Variants in CDKN1A observed in about 807,000 individuals in gnomAD.
CDKN1A encodes cyclin dependent kinase inhibitor 1A.
Under a neutral mutation model 14.8 loss-of-function variants are expected in CDKN1A, and 14 were observed. That is an observed-to-expected ratio of 0.94 (90% CI 0.62 to 1.48). The LOEUF (loss-of-function observed/expected upper bound fraction) is 1.48. Ranked by LOEUF, CDKN1A falls within the 40% of genes most tolerant of loss-of-function variation. The probability of loss-of-function intolerance (pLI) is 0.00; values close to 1 mark genes in which losing one functional copy is unlikely to be tolerated. For missense variants in CDKN1A, 203 were observed against 231.7 expected (o/e 0.88, Z 0.80); for synonymous variants, 92 against 93.5 (o/e 0.98, Z 0.09).
chr6:36,680,237 G>T (rs1025881173), intron 1 of CDKN1A, among the ~76,000 whole-genome samples: 10 of 152,084 alleles, frequency 6.6e-5, no homozygotes, highest in East Asian at 1.9e-4. Flanking sequence ...GACTCATCCC[G>T]TGCTTTGGGC....
intron 1 of CDKN1A, among the ~76,000 whole-genome samples, chr6:36,681,583 A>C (rs1582574365): frequency 1.7e-5 from 2 of 117,612 alleles, no homozygotes; most frequent in Admixed American, 8.5e-5. Context: ...CCCCATGCCC[A>C]GATTTTTTTT....
chr6:36,678,738 A>T lies in CDKN1A; in HGVS notation c.-66A>T. 5 of 985,600 alleles carry T rather than the reference A, an allele frequency of 5.1e-6. No homozygotes were observed. The highest frequency in any genetic ancestry group is 1.7e-5 in the African/African-American group (1 of 57,358). 61.1% of individuals were successfully genotyped at this position (985,600 alleles called of 1,614,324 possible). A position where few individuals can be genotyped will look rare whatever the true frequency, so the allele number is the denominator to read the frequency against. On this transcript the variant is annotated 5_prime_UTR_variant, in exon 1 of 3. Coordinates refer to ENST00000244741, the MANE Select transcript of CDKN1A (RefSeq NM_000389.5). This position sits in a 1 kb window ranked among gnomAD's most constrained non-coding sequence, Gnocchi z 5.7. ...TGAGGTGTGAGCAGCTGCCGAAGTC[A>T]GTTCCTTGTGGAGCCGGAGCTGGGC...
Position 36,686,443 on chromosome 6 carries a change from G to A in CDKN1A, c.*643G>A. 1 of 239,366 alleles carries A rather than the reference G, an allele frequency of 4.2e-6. No homozygotes were observed. The highest frequency in any genetic ancestry group is 1.6e-4 in the South Asian group (1 of 6,066). The allele number at this position is 239,366 out of a possible 1,614,324, so 14.8% of individuals were successfully genotyped here. On this transcript the variant is annotated 3_prime_UTR_variant, in exon 3 of 3. Coordinates refer to ENST00000244741, the MANE Select transcript of CDKN1A (RefSeq NM_000389.5). The surrounding 1 kb of genome is among the most constrained non-coding windows in gnomAD (Gnocchi z 4.9). The stretch of plus-strand genomic sequence containing the variant: ...TCTGTCTTGTGAAGGCAGGGGGAAG[G>A]TGGGGTCCTGGAGCAGACCACCCCG...
rs1039405016 is a variant in CDKN1A at position 36,686,340 on chromosome 6, G to A, written c.*540G>A. 4 of 278,424 alleles carry A rather than the reference G, an allele frequency of 1.4e-5. No individual in the cohort carries two copies. Among genetic ancestry groups the A allele is most frequent in the Non-Finnish European group, 2.7e-5 (4 of 145,604 alleles). 17.2% of individuals were successfully genotyped at this position (278,424 alleles called of 1,614,324 possible). ...GAGTCCCCTCACCTCCTCTAAGGTT[G>A]GGCAGGGTGACCCTGAAGTGAGCAC... On this transcript the variant is annotated 3_prime_UTR_variant, in exon 3 of 3. Coordinates refer to ENST00000244741, the MANE Select transcript of CDKN1A (RefSeq NM_000389.5). This position sits in a 1 kb window ranked among gnomAD's most constrained non-coding sequence, Gnocchi z 4.9.
At chr6:36,677,865 CTCACTCG>C (rs1399581209), upstream of CDKN1A, 7 of 1,366,944 alleles carry the variant, frequency 5.1e-6, no homozygotes. Context: ...AGACAGACAA[CTCACTCG>C]TCAAATCCTC....
At chr6:36,681,585 ATTT>A (rs908259380) in intron 1 of CDKN1A, among the ~76,000 whole-genome samples, 1 of 67,452 alleles carries the variant, frequency 1.5e-5, no homozygotes, top group African/African-American at 6.0e-5. Flanking sequence ...CCATGCCCAG[ATTT>A]TTTTTTTTTT....
chr6:36,678,043 T>C (rs574638245), upstream of CDKN1A: 1 of 451,698 alleles, frequency 2.2e-6, no homozygotes, highest in East Asian at 5.1e-5. The surrounding 1 kb of genome is among the most constrained non-coding windows in gnomAD (Gnocchi z 5.7). Context: ...CCCGGAAGCA[T>C]GTGACAATCA....
At chr6:36,677,464 C>T (rs1761732547), upstream of CDKN1A, 1 of 195,150 alleles carries the variant, frequency 5.1e-6, no homozygotes, top group African/African-American at 2.4e-5. Context: ...CCATCCTCTG[C>T]AATTTTTTAA....
rs1762127049 is a variant in CDKN1A at position 36,684,395 on chromosome 6, A to G, written c.294A>G (p.Ser98=). The part of the protein sequence containing the change: ...ELGGGRRPGT[S]PALLQGTAEE... ...GAGGAGGCAGGCGGCCTGGCACCTC[A>G]CCTGCTCTGCTGCAGGGGACAGCAG... Residue 98 remains serine, a synonymous_variant, in exon 2 of 3, where the codon TCA becomes TCG. Coordinates refer to ENST00000244741, the MANE Select transcript of CDKN1A (RefSeq NM_000389.5). This position sits in a 1 kb window ranked among gnomAD's most constrained non-coding sequence, Gnocchi z 6.0. 6.2e-7 allele frequency: 1 copy of G among 1,613,322 alleles called. No homozygotes were observed. Among genetic ancestry groups the G allele is most frequent in the Non-Finnish European group, 8.5e-7 (1 of 1,179,728 alleles).
rs774756194 is a variant in CDKN1A, at chr6:36,684,081, T to C, written c.-5-16T>C. 1 of 1,612,272 alleles carries C rather than the reference T, an allele frequency of 6.2e-7. No individual in the cohort carries two copies. The highest frequency in any genetic ancestry group is 8.5e-7 in the Non-Finnish European group (1 of 1,179,634). ...TCTCCGCCGTGACCAGGGCCTTCCT[T>C]GTATCTCTGCTGCAGGCGCCATGTC... On this transcript the variant is annotated splice_polypyrimidine_tract_variant and intron_variant, in intron 1 of 2. Coordinates refer to ENST00000244741, the MANE Select transcript of CDKN1A (RefSeq NM_000389.5). The surrounding 1 kb of genome is among the most constrained non-coding windows in gnomAD (Gnocchi z 6.0).
At position 36,685,936 on chromosome 6, in the gene CDKN1A, C is replaced by A. The variant is rs187742871; in HGVS notation, c.*136C>A. ...TTTAAACACCTCCTCATGTACATAC[C>A]CTGGCCGCCCCCTGCCCCCCAGCCT... On this transcript the variant is annotated 3_prime_UTR_variant, in exon 3 of 3. Coordinates refer to ENST00000244741, the MANE Select transcript of CDKN1A (RefSeq NM_000389.5). The A allele has an allele frequency of 7.7e-5, 66 of 856,524 alleles. No homozygotes were observed. Among genetic ancestry groups the A allele is most frequent in the Non-Finnish European group, 1.2e-4 (62 of 515,386 alleles). The allele number at this position is 856,524 out of a possible 1,614,324, so 53.1% of individuals were successfully genotyped here. A position where few individuals can be genotyped will look rare whatever the true frequency, so the allele number is the denominator to read the frequency against.
chr6:36,678,561 A>T, upstream of CDKN1A: 1 of 686,230 alleles, frequency 1.5e-6, no homozygotes, highest in Non-Finnish European at 1.8e-6. This position sits in a 1 kb window ranked among gnomAD's most constrained non-coding sequence, Gnocchi z 5.7. Flanking sequence ...GAACTCGGCC[A>T]GGCTCAGCTG....
Position 36,678,838 on chromosome 6 carries a change from G to A in CDKN1A, c.-6+40G>A, listed in dbSNP as rs1434933102. 10 of 985,678 alleles carry A rather than the reference G, an allele frequency of 1.0e-5. No homozygotes were observed. The highest frequency in any genetic ancestry group is 1.2e-5 in the Non-Finnish European group (10 of 830,094). The allele number at this position is 985,678 out of a possible 1,614,324, so 61.1% of individuals were successfully genotyped here. A position where few individuals can be genotyped will look rare whatever the true frequency, so the allele number is the denominator to read the frequency against. On this transcript the variant is annotated intron_variant, in intron 1 of 2. Coordinates refer to ENST00000244741, the MANE Select transcript of CDKN1A (RefSeq NM_000389.5). The surrounding 1 kb of genome is among the most constrained non-coding windows in gnomAD (Gnocchi z 5.7). ...GCAGACAACAGGGGACCCCGGGCCG[G>A]CGGCCCAGAGCCGAGCCAAGCGTGC...
chr6:36,682,946 T>A (rs1762065903), intron 1 of CDKN1A, among the ~76,000 whole-genome samples: 1 of 152,130 alleles, frequency 6.6e-6, no homozygotes, highest in Admixed American at 6.5e-5. Flanking sequence ...CTGGGAGAAA[T>A]CATCCCTTGC....
At position 36,686,309 on chromosome 6, in the gene CDKN1A, A is replaced by C; in HGVS notation, c.*509A>C. On this transcript the variant is annotated 3_prime_UTR_variant, in exon 3 of 3. Transcript: ENST00000244741. This position sits in a 1 kb window ranked among gnomAD's most constrained non-coding sequence, Gnocchi z 4.9. ...TCACCGAGTGGGGGCATCATCAAAA[A>C]CTTTGGAGTCCCCTCACCTCCTCTA... 1 of 289,134 alleles carries C rather than the reference A, an allele frequency of 3.5e-6. No individual in the cohort carries two copies. Among genetic ancestry groups the C allele is most frequent in the Non-Finnish European group, 6.6e-6 (1 of 152,508 alleles). The allele number at this position is 289,134 out of a possible 1,614,324, so 17.9% of individuals were successfully genotyped here.
intron 1 of CDKN1A, among the ~76,000 whole-genome samples, chr6:36,681,365 C>T (rs867378700): frequency 3.0e-4 from 13 of 42,880 alleles, no homozygotes; most frequent in South Asian, 1.8e-3. Context: ...TCTTTCTTTT[C>T]TTTCTTTCTT....
In CDKN1A at chr6:36,686,972, G is replaced by A; in HGVS notation, c.*1172G>A. Reference sequence around the variant, plus strand: ...TGCACTTTGATTAGCAGCGGAACAAGGAGTCAGACATTTTAAGATGGTGGC... The same window carrying A: ...TGCACTTTGATTAGCAGCGGAACAAAGAGTCAGACATTTTAAGATGGTGGC... On this transcript the variant is annotated 3_prime_UTR_variant, in exon 3 of 3. Coordinates refer to ENST00000244741, the MANE Select transcript of CDKN1A (RefSeq NM_000389.5). This position sits in a 1 kb window ranked among gnomAD's most constrained non-coding sequence, Gnocchi z 4.9. 4.3e-6 allele frequency: 1 copy of A among 233,804 alleles called. No individual in the cohort carries two copies. 14.5% of individuals were successfully genotyped at this position (233,804 alleles called of 1,614,324 possible).
At chr6:36,682,092 T>A (rs1562039147) in intron 1 of CDKN1A, among the ~76,000 whole-genome samples, 1 of 151,940 alleles carries the variant, frequency 6.6e-6, no homozygotes, top group African/African-American at 2.4e-5. Flanking sequence ...ACCTCAAAAT[T>A]AGAGAGGGAG....
At chr6:36,681,409 C>T (rs146035613) in intron 1 of CDKN1A, among the ~76,000 whole-genome samples, 1 of 27,368 alleles carries the variant, frequency 3.7e-5, no homozygotes, top group Non-Finnish European at 6.2e-5. Flanking sequence ...TTCTTTCTTC[C>T]TTTCTCTTTC....
Sources: allele counts gnomAD v4.1 joint callset (sites outside exome capture counted in the v4.1 genomes callset), GRCh38; gene constraint gnomAD v4.1.1; non-coding constraint Gnocchi (gnomAD v3.1); transcripts MANE v1.5; gene names NCBI Gene and HGNC (gene_info 2026-07-23, HGNC 2026-07-21).